COL25A1: variants seen among roughly 807,000 people sequenced by gnomAD.
The protein encoded by COL25A1 is collagen alpha-1(XXV) chain.
A neutral mutation model predicts 128.4 loss-of-function variants in COL25A1; 103 were observed. The observed-to-expected ratio is 0.80, with a 90% confidence interval of 0.68 to 0.94. The LOEUF (loss-of-function observed/expected upper bound fraction) is 0.94, where lower values mean the gene tolerates loss of function less well. Among genes scored for constraint, COL25A1 ranks in the 40% least tolerant of loss-of-function variants. The pLI is 0.00. For synonymous variants in COL25A1, 279 were observed against 277.2 expected (o/e 1.01, Z -0.06); for missense variants, 745 against 840.0 (o/e 0.89, Z 1.40).
chr4:109,175,792 A>G (rs970963991), intron 3 of COL25A1, among the ~76,000 whole-genome samples: 11 of 152,238 alleles, frequency 7.2e-5, no homozygotes, highest in African/African-American at 9.6e-5. Context: ...TAATGAAGAC[A>G]TACAGATGTC....
chr4:109,192,161 G>C (rs1219522676), intron 3 of COL25A1, among the ~76,000 whole-genome samples: 1 of 152,214 alleles, frequency 6.6e-6, no homozygotes, highest in African/African-American at 2.4e-5. Context: ...TGGAGGAGCA[G>C]TGGCAGCCAA....
rs937066675 is a variant in COL25A1 at position 109,030,209 on chromosome 4, A to G, written c.420+17959T>C. 3.3e-5 allele frequency among the ~76,000 whole-genome samples: 5 copies of G among 152,306 alleles called. No homozygotes were observed. In the East Asian group the frequency reaches 9.7e-4, roughly 29 times the overall value. ...ATCATTTCACGGAAGTCAACAAGAT[A>G]GGCTATGAAAGAAATAGCAACAGAA... On this transcript the variant is annotated intron_variant, in intron 5 of 37. Transcript: ENST00000399132.
chr4:109,229,368 T>C (rs1407839354), intron 3 of COL25A1, among the ~76,000 whole-genome samples: 1 of 152,234 alleles, frequency 6.6e-6, no homozygotes, highest in Admixed American at 6.5e-5. Flanking sequence ...GGTTACAACA[T>C]TTTCGGCAAC....
intron 3 of COL25A1, among the ~76,000 whole-genome samples, chr4:109,167,802 G>A (rs1025114503): frequency 1.3e-5 from 2 of 152,108 alleles, no homozygotes; most frequent in Non-Finnish European, 2.9e-5. Context: ...AAATGGAGAG[G>A]TATCAATGCT....
intron 3 of COL25A1, among the ~76,000 whole-genome samples, chr4:109,071,248 A>G (rs911695750): frequency 1.3e-5 from 2 of 152,226 alleles, no homozygotes; most frequent in African/African-American, 4.8e-5. Flanking sequence ...AGCCATATGG[A>G]GAAAGCTGAA....
chr4:108,969,694 CTTGCCTCCAA>C (rs1208646451), intron 8 of COL25A1, among the ~76,000 whole-genome samples: 1 of 152,078 alleles, frequency 6.6e-6, no homozygotes, highest in African/African-American at 2.4e-5. Context: ...AGTATGTGTC[CTTGCCTCCAA>C]TGATACCTGA....
chr4:109,185,991 C>G (rs1005254064), intron 3 of COL25A1, among the ~76,000 whole-genome samples: 5 of 152,186 alleles, frequency 3.3e-5, no homozygotes, highest in Non-Finnish European at 7.3e-5. Flanking sequence ...AATAAGTATT[C>G]CGTTGTGGCA....
chr4:108,992,400 T>C (rs1200393969), intron 6 of COL25A1, among the ~76,000 whole-genome samples: 1 of 152,200 alleles, frequency 6.6e-6, no homozygotes, highest in Non-Finnish European at 1.5e-5. Context: ...GAATACAGGA[T>C]AGAATCCTGA....
chr4:109,100,163 C>T (rs1380267204), intron 3 of COL25A1, among the ~76,000 whole-genome samples: 1 of 152,064 alleles, frequency 6.6e-6, no homozygotes, highest in East Asian at 1.9e-4. Context: ...TTATTTGGTA[C>T]ACTACTTCTA....
At chr4:108,828,343 C>T (rs1319972810) in intron 32 of COL25A1, among the ~76,000 whole-genome samples, 4 of 151,994 alleles carry the variant, frequency 2.6e-5, no homozygotes, top group African/African-American at 4.8e-5. Flanking sequence ...CCATGTTGGC[C>T]GGGCTGGTCT....
chr4:109,269,851 C>G (rs1314348856), intron 3 of COL25A1, among the ~76,000 whole-genome samples: 1 of 152,108 alleles, frequency 6.6e-6, no homozygotes, highest in African/African-American at 2.4e-5. Flanking sequence ...TCCAGCAGCA[C>G]GTCAAAAAGC....
At chr4:108,860,853 A>C (rs1264005599) in intron 23 of COL25A1, 74 bp downstream of exon 23, 1 of 1,197,146 alleles carries the variant, frequency 8.4e-7, no homozygotes, top group African/African-American at 1.5e-5. Context: ...TGTCATATGA[A>C]TAGCCATGCA....
intron 3 of COL25A1, among the ~76,000 whole-genome samples, chr4:109,187,414 G>T (rs2126155346): frequency 6.6e-6 from 1 of 152,294 alleles, no homozygotes; most frequent in South Asian, 2.1e-4. Flanking sequence ...GCAAATCCTA[G>T]CTGACACTTA....
chr4:108,966,436 T>C (rs1221546934), intron 8 of COL25A1, among the ~76,000 whole-genome samples: 2 of 152,194 alleles, frequency 1.3e-5, no homozygotes, highest in Non-Finnish European at 2.9e-5. Context: ...GGCAGCTTGA[T>C]AGCAGGATTT....
At chr4:109,044,501 C>T (rs1179730267) in intron 5 of COL25A1, among the ~76,000 whole-genome samples, 1 of 152,104 alleles carries the variant, frequency 6.6e-6, no homozygotes, top group Non-Finnish European at 1.5e-5. Flanking sequence ...CCAAATGTCT[C>T]TTGCACTATT....
intron 3 of COL25A1, among the ~76,000 whole-genome samples, chr4:109,067,436 A>G (rs1762540644): frequency 6.6e-6 from 1 of 152,252 alleles, no homozygotes; most frequent in Non-Finnish European, 1.5e-5. Context: ...AAGGAAAAAA[A>G]AAATTGAAAA....
At chr4:109,103,476 A>T (rs896862071) in intron 3 of COL25A1, among the ~76,000 whole-genome samples, 1 of 152,028 alleles carries the variant, frequency 6.6e-6, no homozygotes, top group Non-Finnish European at 1.5e-5. Flanking sequence ...TTTTAGGATC[A>T]TACCTAAAGC....
chr4:108,959,818 C>T lies in COL25A1; in HGVS notation c.492+14549G>A, dbSNP rs370457260. 3.3e-5 allele frequency among the ~76,000 whole-genome samples: 5 copies of T among 152,206 alleles called. No individual in the cohort carries two copies. In the East Asian group the frequency reaches 7.7e-4, roughly 23 times the overall value. On this transcript the variant is annotated intron_variant, in intron 8 of 37. Coordinates refer to ENST00000399132, the MANE Select transcript of COL25A1 (RefSeq NM_198721.4). ...CTTTCTCCAATTCAATTTTGTTTGA[C>T]TTTTCTGCCTAAAAATGTAAAATGA... is the stretch of plus-strand genomic sequence containing the variant.
intron 3 of COL25A1, among the ~76,000 whole-genome samples, chr4:109,171,667 G>C (rs1276218888): frequency 6.6e-6 from 1 of 152,172 alleles, no homozygotes; most frequent in African/African-American, 2.4e-5. Flanking sequence ...GGTAAGTGCT[G>C]TATTTTATTC....
Sources: gnomAD v4.1 joint callset for allele counts (sites outside exome capture counted in the v4.1 genomes callset) on GRCh38, gnomAD v4.1.1 for gene constraint, MANE v1.5 for transcripts, NCBI Gene and HGNC (gene_info 2026-07-23, HGNC 2026-07-21) for gene names.